The following CRISPLD2 variants were observed in gnomAD, a reference collection of about 807,000 sequenced individuals.
CRISPLD2 encodes the protein cysteine rich secretory protein LCCL domain containing 2, also known as cysteine-rich secretory protein LCCL domain-containing 2.
A neutral mutation model predicts 71.1 loss-of-function variants in CRISPLD2; 47 were observed. The ratio of observed to expected loss-of-function variants is 0.66; its 90% CI spans 0.52 to 0.84. The LOEUF (loss-of-function observed/expected upper bound fraction) is 0.84, where lower values mean the gene tolerates loss of function less well. Ranked by LOEUF, CRISPLD2 falls within the 40% of genes least tolerant of loss-of-function variation. The probability of loss-of-function intolerance (pLI) is 0.00; values close to 1 mark genes in which losing one functional copy is unlikely to be tolerated. For missense variants in CRISPLD2, 830 were observed against 651.1 expected, an observed-to-expected ratio of 1.27 and a Z score of -2.99; for synonymous variants, 317 against 250.1, an observed-to-expected ratio of 1.27 and a Z score of -2.52.
At chr16:84,878,941 C>T (rs1398972346) in intron 12 of CRISPLD2, among the ~76,000 whole-genome samples, 1 of 152,216 alleles carries the variant, frequency 6.6e-6, no homozygotes, top group Non-Finnish European at 1.5e-5. Context: ...AGGATGAAGA[C>T]AGCTGCCCTG....
At chr16:84,905,707 CTT>C (rs36068463) in intron 14 of CRISPLD2, among the ~76,000 whole-genome samples, 22,030 of 116,082 alleles carry the variant, frequency 0.19, 1,836 homozygotes, top group Admixed American at 0.26. Context: ...CAATAAAGCT[CTT>C]TTTTTTTTTT....
At chr16:84,871,912 C>T (rs899455513) in intron 8 of CRISPLD2, among the ~76,000 whole-genome samples, 1 of 147,108 alleles carries the variant, frequency 6.8e-6, no homozygotes, top group Non-Finnish European at 1.5e-5. Flanking sequence ...CTATGGTTGA[C>T]CTTCTATTTC....
At chr16:84,903,569 G>T (rs914751405) in intron 14 of CRISPLD2, among the ~76,000 whole-genome samples, 2 of 151,048 alleles carry the variant, frequency 1.3e-5, no homozygotes, top group African/African-American at 4.9e-5. Context: ...TCCAGCCTGG[G>T]CAACAGGGCG....
chr16:84,857,163 T>G (rs1917262425), intron 6 of CRISPLD2, among the ~76,000 whole-genome samples: 1 of 152,234 alleles, frequency 6.6e-6, no homozygotes, highest in African/African-American at 2.4e-5. Flanking sequence ...CAGGTCAGCC[T>G]TGGTGGGTGG....
intron 1 of CRISPLD2, among the ~76,000 whole-genome samples, chr16:84,827,374 G>C (rs924770714): frequency 6.6e-6 from 1 of 151,958 alleles, no homozygotes; most frequent in Non-Finnish European, 1.5e-5. Flanking sequence ...TTTGCATTTA[G>C]AGCAAAACCA....
At chr16:84,827,681 C>T (rs1406109805) in intron 1 of CRISPLD2, among the ~76,000 whole-genome samples, 2 of 151,954 alleles carry the variant, frequency 1.3e-5, no homozygotes, top group African/African-American at 4.8e-5. Flanking sequence ...ATTCTCTTGC[C>T]TCAGCCTCCC....
chr16:84,866,432 C>G (rs556558183), intron 6 of CRISPLD2, among the ~76,000 whole-genome samples: 1 of 152,174 alleles, frequency 6.6e-6, no homozygotes, highest in African/African-American at 2.4e-5. Context: ...GACGGGGTTT[C>G]GCCATGTTAG....
intron 1 of CRISPLD2, among the ~76,000 whole-genome samples, chr16:84,821,338 G>A (rs1040020080): frequency 3.9e-5 from 6 of 152,194 alleles, no homozygotes; most frequent in African/African-American, 1.4e-4. Context: ...CCCCTGATCT[G>A]GCTGTTCCCA....
intron 13 of CRISPLD2, 85 bp from the exon 14 acceptor site, chr16:84,889,145 C>G (rs1302232645): frequency 1.3e-6 from 2 of 1,585,214 alleles, no homozygotes; most frequent in Non-Finnish European, 1.7e-6. Context: ...GCCAGGTTGC[C>G]CAGCAGTGAA....
At chr16:84,904,603 A>AC (rs1230467815) in intron 14 of CRISPLD2, among the ~76,000 whole-genome samples, 179 of 147,968 alleles carry the variant, frequency 1.2e-3, no homozygotes, top group Middle Eastern at 3.4e-3. Flanking sequence ...TAAAAAAAAA[A>AC]ATTTAAAAAA....
chr16:84,838,473 A>T lies in CRISPLD2; in HGVS notation c.-23A>T. 1 of 1,608,868 alleles carries T rather than the reference A, an allele frequency of 6.2e-7. No homozygotes were observed. The highest frequency in any genetic ancestry group is 1.7e-4 in the Middle Eastern group (1 of 5,920). On this transcript the variant is annotated 5_prime_UTR_variant, in exon 2 of 15. Transcript: ENST00000262424. ...GAGCCCAGGCTGCCCCGTGAGTCCCATAGTTGCTGCAGGAGTGGAGCCATG... is the reference window on the plus strand; with the variant it reads ...GAGCCCAGGCTGCCCCGTGAGTCCCTTAGTTGCTGCAGGAGTGGAGCCATG...
intron 1 of CRISPLD2, among the ~76,000 whole-genome samples, chr16:84,822,076 G>GT (rs977085725): frequency 2.0e-5 from 3 of 152,186 alleles, no homozygotes; most frequent in South Asian, 2.1e-4. Context: ...CCATGTGGGA[G>GT]TTTTTTTAAC....
At chr16:84,839,475 G>A (rs1450990032) in intron 2 of CRISPLD2, 2 of 161,816 alleles carry the variant, frequency 1.2e-5, no homozygotes, top group Non-Finnish European at 1.4e-5. Flanking sequence ...GAGATAAGTC[G>A]AGGCTGTGAA....
At chr16:84,858,894 A>G (rs1200091570) in intron 6 of CRISPLD2, among the ~76,000 whole-genome samples, 2 of 151,648 alleles carry the variant, frequency 1.3e-5, no homozygotes, top group Non-Finnish European at 2.9e-5. Context: ...AGCAGGTGCA[A>G]TTGGAGTCAC....
At chr16:84,893,704 A>T (rs1370685586) in intron 14 of CRISPLD2, among the ~76,000 whole-genome samples, 1 of 152,192 alleles carries the variant, frequency 6.6e-6, no homozygotes, top group East Asian at 1.9e-4. Flanking sequence ...CTCCTTGGGG[A>T]CATGGCTCCC....
chr16:84,860,117 A>T (rs1917341695), intron 6 of CRISPLD2, among the ~76,000 whole-genome samples: 1 of 152,120 alleles, frequency 6.6e-6, no homozygotes, highest in South Asian at 2.1e-4. Context: ...GAGATGAGGC[A>T]TTTCCAGTTC....
intron 1 of CRISPLD2, among the ~76,000 whole-genome samples, chr16:84,827,684 A>G (rs1163514515): frequency 2.0e-5 from 3 of 150,478 alleles, no homozygotes; most frequent in Non-Finnish European, 4.4e-5. Flanking sequence ...CTCTTGCCTC[A>G]GCCTCCCAAG....
chr16:84,858,593 T>C (rs1201002766), intron 6 of CRISPLD2, among the ~76,000 whole-genome samples: 1 of 152,230 alleles, frequency 6.6e-6, no homozygotes, highest in African/African-American at 2.4e-5. Context: ...TCTTGCTCAC[T>C]GGATCCAATC....
intron 12 of CRISPLD2, among the ~76,000 whole-genome samples, chr16:84,879,905 C>G (rs990843103): frequency 6.6e-6 from 1 of 152,180 alleles, no homozygotes; most frequent in African/African-American, 2.4e-5. Flanking sequence ...AAGTAAAGCC[C>G]GTGCTCTTTC....
Sources: allele counts gnomAD v4.1 joint callset (sites outside exome capture counted in the v4.1 genomes callset), GRCh38; gene constraint gnomAD v4.1.1; transcripts MANE v1.5; gene names NCBI Gene and HGNC (gene_info 2026-07-23, HGNC 2026-07-21).